The following PLA2R1 variants were observed in gnomAD, a reference collection of about 807,000 sequenced individuals.
PLA2R1 encodes the protein phospholipase A2 receptor 1, also known as secretory phospholipase A2 receptor.
In PLA2R1, 158 loss-of-function variants were observed where a neutral mutation model predicts 195.9. The ratio of observed to expected loss-of-function variants is 0.81; its 90% CI spans 0.71 to 0.92. The LOEUF (loss-of-function observed/expected upper bound fraction) is 0.92. PLA2R1 is among the 40% of genes least tolerant of loss of function. The probability of loss-of-function intolerance (pLI) is 0.00; values close to 1 mark genes in which losing one functional copy is unlikely to be tolerated. For missense variants in PLA2R1, 1,626 were observed against 1,764.6 expected (o/e 0.92, Z 1.41); for synonymous variants, 586 against 598.2 (o/e 0.98, Z 0.30).
intron 10 of PLA2R1, among the ~76,000 whole-genome samples, chr2:160,008,786 G>C (rs368167172): frequency 6.6e-6 from 1 of 152,188 alleles, no homozygotes; most frequent in East Asian, 1.9e-4. Flanking sequence ...GAAAGTATTT[G>C]CAAGTTGTAC....
At chr2:160,042,295 C>G in intron 2 of PLA2R1, 97 bp from the exon 3 acceptor site, 1 of 987,934 alleles carries the variant, frequency 1.0e-6, no homozygotes, top group Non-Finnish European at 1.5e-6. Flanking sequence ...GACTGAAACC[C>G]TCTTGGGGCA....
intron 2 of PLA2R1, 86 bp from the exon 3 acceptor site, chr2:160,042,284 G>T: frequency 8.8e-7 from 1 of 1,138,398 alleles, no homozygotes; most frequent in Non-Finnish European, 1.3e-6. Context: ...CATTTTTTAT[G>T]GACTGAAACC....
At chr2:159,994,901 A>C (rs1691103028) in intron 11 of PLA2R1, among the ~76,000 whole-genome samples, 1 of 152,094 alleles carries the variant, frequency 6.6e-6, no homozygotes, top group African/African-American at 2.4e-5. Flanking sequence ...CTGAGTGTTC[A>C]TGTAGGTTCG....
At chr2:159,986,759 G>C (rs762277610) in intron 12 of PLA2R1, among the ~76,000 whole-genome samples, 4 of 151,894 alleles carry the variant, frequency 2.6e-5, no homozygotes, top group African/African-American at 9.7e-5. Context: ...GCTACTTTTT[G>C]TATTTTTAGT....
rs1686988902 is a variant in PLA2R1, at chr2:159,939,401, G to A, written c.*2377C>T. ...TGTGCCTGTAATCACAGCTACTCGG[G>A]AGGCTGAGGCAGGAAACTTGCTCGA... On this transcript the variant is annotated 3_prime_UTR_variant, in exon 30 of 30. Coordinates refer to ENST00000283243, the MANE Select transcript of PLA2R1 (RefSeq NM_007366.5). 1 of 151,478 alleles carries A rather than the reference G, an allele frequency of 6.6e-6. No individual in the cohort carries two copies. The highest frequency in any genetic ancestry group is 1.5e-5 in the Non-Finnish European group (1 of 67,984). 9.4% of individuals were successfully genotyped at this position (151,478 alleles called of 1,614,324 possible). A position where few individuals can be genotyped will look rare whatever the true frequency, so the allele number is the denominator to read the frequency against.
intron 29 of PLA2R1, 52 bp from the exon 30 acceptor site, chr2:159,942,044 T>C: frequency 6.4e-7 from 1 of 1,550,584 alleles, no homozygotes; most frequent in Non-Finnish European, 8.9e-7. Flanking sequence ...GGCGATGAAG[T>C]AATATAGATA....
chr2:159,996,757 T>C (rs568025725), intron 11 of PLA2R1, among the ~76,000 whole-genome samples: 2 of 152,258 alleles, frequency 1.3e-5, no homozygotes, highest in Admixed American at 1.3e-4. Context: ...TTTTGGAAGT[T>C]TGTATCATCA....
chr2:159,930,131 AGG>A (rs1377417691), downstream of PLA2R1, among the ~76,000 whole-genome samples: 1 of 152,160 alleles, frequency 6.6e-6, no homozygotes, highest in Non-Finnish European at 1.5e-5. Context: ...ATTGGTGGCC[AGG>A]CGCGGTGGCT....
intron 4 of PLA2R1, 47 bp downstream of exon 4, chr2:160,032,912 C>T: frequency 7.8e-7 from 1 of 1,275,452 alleles, no homozygotes; most frequent in South Asian, 1.3e-5. Context: ...CAGTTAACAA[C>T]CATCTTTTAT....
rs141800672 is a variant in PLA2R1 at position 160,042,094 on chromosome 2, C to A, written c.598G>T (p.Asp200Tyr). Residue 200 changes from aspartate (D) to tyrosine (Y), a missense_variant, in exon 3 of 30, where the codon GAC becomes TAC. By Grantham distance (160) the Asp-to-Tyr change is radical (BLOSUM62 -3). Transcript: ENST00000283243. ...HECTREGREDDLLWCATTSRY... is the reference protein window; with the variant it reads ...HECTREGREDYLLWCATTSRY... ...CTTGTCGTGGCACACCACAGTAAGT[C>A]ATCTTCCCGACCTTCACGGGTACAT... 536 of 1,614,114 alleles carry A rather than the reference C, an allele frequency of 3.3e-4. No homozygotes were observed. The highest frequency in any genetic ancestry group is 4.2e-4 in the Non-Finnish European group (496 of 1,180,028).
rs118058908 is a variant in PLA2R1, at chr2:159,985,733, T to G, written c.2037+1423A>C. Among the ~76,000 whole-genome samples, 277 of 152,332 alleles carry G rather than the reference T, an allele frequency of 1.8e-3. 9 individuals are homozygous for G. In the East Asian group the frequency reaches 0.041, roughly 23 times the overall value. On this transcript the variant is annotated intron_variant, in intron 12 of 29. Transcript: ENST00000283243. ...ACAAACAATATGAAATTATACCATT[T>G]AACACCCTCTGAGTGTCTACCTCCT...
chr2:160,032,620 G>A (rs1430360562), intron 4 of PLA2R1, among the ~76,000 whole-genome samples: 1 of 152,154 alleles, frequency 6.6e-6, no homozygotes, highest in Admixed American at 6.6e-5. Context: ...ATTTATTAAT[G>A]GAAATGGAAT....
Position 159,941,650 on chromosome 2 carries a change from A to G in PLA2R1, c.*128T>C, listed in dbSNP as rs912336028. 8 of 603,260 alleles carry G rather than the reference A, an allele frequency of 1.3e-5. No individual in the cohort carries two copies. Among genetic ancestry groups the G allele is most frequent in the Middle Eastern group, 8.7e-4 (2 of 2,288 alleles). The allele number at this position is 603,260 out of a possible 1,614,324, so 37.4% of individuals were successfully genotyped here. A position where few individuals can be genotyped will look rare whatever the true frequency, so the allele number is the denominator to read the frequency against. On this transcript the variant is annotated 3_prime_UTR_variant, in exon 30 of 30. Transcript: ENST00000283243. ...AGATTCAAAACCAGTAATCACTTCA[A>G]GAATAATTAAAATAGTGACCCAATT...
chr2:160,028,880 T>A lies in PLA2R1; in HGVS notation c.925A>T (p.Thr309Ser), dbSNP rs753087575. Residue 309 changes from threonine to serine, a missense_variant, in exon 5 of 30, where the codon ACG (threonine) becomes TCG (serine). Thr to Ser is a moderately conservative substitution (Grantham distance 58). Coordinates refer to ENST00000283243, the MANE Select transcript of PLA2R1 (RefSeq NM_007366.5). ...EHAGWQWSDG[T>S]PLNYLNWSPE... ...CTCCAATTCAGATAGTTGAGCGGCG[T>A]TCCATCAGACCACTGCCAGCCAGCG... 4 of 1,612,642 alleles carry A rather than the reference T, an allele frequency of 2.5e-6. No individual in the cohort carries two copies. Among genetic ancestry groups the A allele is most frequent in the Non-Finnish European group, 3.4e-6 (4 of 1,178,664 alleles).
Position 159,951,564 on chromosome 2 carries a change from C to A in PLA2R1, c.3316G>T (p.Gly1106Cys). Residue 1106 changes from glycine (G) to cysteine (C), a missense_variant, in exon 24 of 30, where the codon GGT becomes TGT. Gly to Cys is a radical substitution (Grantham distance 159). Coordinates refer to ENST00000283243, the MANE Select transcript of PLA2R1 (RefSeq NM_007366.5). ...GGATACATATCAGATGTATTTACAC[C>A]GTGTCCAGAAGTATCTAGAACAAGA... ...CEKMQDTSGH[G>C]VNTSDMYPMP... is the part of the protein sequence containing the mutation. The A allele has an allele frequency of 1.9e-6, 3 of 1,541,486 alleles. No homozygotes were observed. The highest frequency in any genetic ancestry group is 2.7e-6 in the Non-Finnish European group (3 of 1,112,232).
the PLA2R1 span, among the ~76,000 whole-genome samples, chr2:159,926,038 A>G: frequency 3.9e-5 from 6 of 152,218 alleles, no homozygotes; most frequent in Non-Finnish European, 7.3e-5. Context: ...CTTCTGCTTC[A>G]GCATAATGTT....
intron 9 of PLA2R1, among the ~76,000 whole-genome samples, chr2:160,016,092 C>T (rs913573504): frequency 3.3e-5 from 5 of 151,952 alleles, no homozygotes; most frequent in African/African-American, 9.6e-5. Flanking sequence ...GGCAAAATCC[C>T]GTCTCTACTA....
intron 1 of PLA2R1, among the ~76,000 whole-genome samples, chr2:160,056,295 G>A (rs1695537778): frequency 6.6e-6 from 1 of 152,166 alleles, no homozygotes; most frequent in Non-Finnish European, 1.5e-5. Flanking sequence ...TATATGCTGT[G>A]GGTTGTGATG....
intron 27 of PLA2R1, chr2:159,945,872 T>A (rs941547659): frequency 1.1e-6 from 1 of 894,870 alleles, no homozygotes; most frequent in Admixed American, 6.2e-5. Flanking sequence ...TAGGTTATCA[T>A]GTTTCTTAAT....
Sources: allele counts gnomAD v4.1 joint callset (sites outside exome capture counted in the v4.1 genomes callset), GRCh38; gene constraint gnomAD v4.1.1; transcripts MANE v1.5; gene names NCBI Gene and HGNC (gene_info 2026-07-23, HGNC 2026-07-21).